ACACA: variants seen among roughly 807,000 people sequenced by gnomAD.
ACACA encodes acetyl-CoA carboxylase alpha, also known as acetyl-CoA carboxylase 1.
A neutral mutation model predicts 296.1 loss-of-function variants in ACACA; 103 were observed. That is an observed-to-expected ratio of 0.35 (90% confidence interval 0.30 to 0.41). The LOEUF is 0.41. Among genes scored for constraint, ACACA ranks in the 10% least tolerant of loss-of-function variants. ACACA has a pLI of 1.00. For missense variants in ACACA, 1,554 were observed against 2,989.7 expected, an observed-to-expected ratio of 0.52 and a Z score of 11.20; for synonymous variants, 953 against 1,038.6, an observed-to-expected ratio of 0.92 and a Z score of 1.58.
At chr17:37,164,685 T>G (rs921300221) in intron 41 of ACACA, among the ~76,000 whole-genome samples, 26 of 152,234 alleles carry the variant, frequency 1.7e-4, no homozygotes, top group African/African-American at 4.1e-4. Flanking sequence ...AAATGCTTTA[T>G]CTGCCTTCAC....
Position 37,151,294 on chromosome 17 carries a change from G to T in ACACA, c.5568+7C>A. The stretch of plus-strand genomic sequence containing the variant: ...CTTCAAAAATTTCACATTCTGGAAA[G>T]ATTTACCAGGCTGATGGTAATGATC... On this transcript the variant is annotated splice_region_variant and intron_variant, in intron 44 of 55. Transcript: ENST00000616317. The T allele has an allele frequency of 6.2e-7, 1 of 1,613,890 alleles. No homozygotes were observed. The highest frequency in any genetic ancestry group is 8.5e-7 in the Non-Finnish European group (1 of 1,179,978).
intron 1 of ACACA, among the ~76,000 whole-genome samples, chr17:37,350,323 C>T (rs991170597): frequency 6.8e-6 from 1 of 147,976 alleles, no homozygotes; most frequent in Non-Finnish European, 1.5e-5. Context: ...ATAGTGAACC[C>T]GTCTCAAAAA....
rs60788220 is a variant in ACACA, at chr17:37,390,175, T to TATATATACACACACAC, written c.38+16086_38+16087insGTGTGTGTGTATATAT. Among the ~76,000 whole-genome samples, 9 of 44,498 alleles carry TATATATACACACACAC rather than the reference T, an allele frequency of 2.0e-4. 1 individual carries two copies. Among genetic ancestry groups the TATATATACACACACAC allele is most frequent in the African/African-American group, 5.8e-4 (5 of 8,572 alleles). 29.2% of individuals were successfully genotyped at this position (44,498 alleles called of 152,430 possible). A position where few individuals can be genotyped will look rare whatever the true frequency, so the allele number is the denominator to read the frequency against. ...ATATATATATATATATATATATATA[T>TATATATACACACACAC]ACACACACACATTATATATAAATAT... On this transcript the variant is annotated intron_variant, in intron 1 of 55. Transcript: ENST00000616317.
Position 37,313,771 on chromosome 17 carries a change from C to T in ACACA, c.338+16402G>A, listed in dbSNP as rs569098618. 6.0e-4 allele frequency among the ~76,000 whole-genome samples: 92 copies of T among 152,272 alleles called. 1 individual carries two copies. The East Asian group carries it at 0.017, about 29-fold the overall frequency. The stretch of plus-strand genomic sequence containing the variant: ...CACAATGGGAATGTAAATCTCCATA[C>T]AACCACTATGGAGAACAGTATGGAG... On this transcript the variant is annotated intron_variant, in intron 3 of 55. Transcript: ENST00000616317.
intron 5 of ACACA, among the ~76,000 whole-genome samples, chr17:37,282,808 C>T (rs892677658): frequency 2.0e-5 from 3 of 151,894 alleles, no homozygotes; most frequent in Non-Finnish European, 2.9e-5. Flanking sequence ...AATATGTAGC[C>T]GAATTTACAG....
intron 35 of ACACA, 93 bp from the exon 36 acceptor site, chr17:37,193,508 C>T: frequency 2.1e-6 from 2 of 971,120 alleles, no homozygotes; most frequent in East Asian, 2.4e-5. Context: ...ATTTAGAAGA[C>T]AGTTTTCTAG....
intron 10 of ACACA, among the ~76,000 whole-genome samples, chr17:37,264,596 C>A (rs1344270474): frequency 6.6e-6 from 1 of 152,108 alleles, no homozygotes; most frequent in East Asian, 1.9e-4. Context: ...GCTCATAGTG[C>A]TTTTTGAATC....
intron 3 of ACACA, among the ~76,000 whole-genome samples, chr17:37,303,371 C>T (rs1030815403): frequency 2.6e-5 from 4 of 152,148 alleles, no homozygotes; most frequent in Admixed American, 1.3e-4. Flanking sequence ...TGTGGACACA[C>T]CATATTTTGT....
chr17:37,339,022 G>A (rs2048268947), intron 2 of ACACA, among the ~76,000 whole-genome samples: 1 of 128,000 alleles, frequency 7.8e-6, no homozygotes, highest in Non-Finnish European at 1.6e-5. Context: ...AAAGGGGGAG[G>A]GAAGGGAAAG....
At chr17:37,232,099 G>C (rs2079887411) in intron 25 of ACACA, among the ~76,000 whole-genome samples, 1 of 152,126 alleles carries the variant, frequency 6.6e-6, no homozygotes, top group South Asian at 2.1e-4. Context: ...AGTTACCACT[G>C]GGCAGGTTAT....
chr17:37,201,750 A>C (rs117484837), intron 33 of ACACA, among the ~76,000 whole-genome samples: 5,053 of 152,298 alleles, frequency 0.033, 118 homozygotes, highest in Middle Eastern at 0.099. Flanking sequence ...ATTTCTTGCT[A>C]TAACTCCAAC....
chr17:37,244,781 A>C, intron 20 of ACACA, 47 bp from the exon 21 acceptor site: 1 of 1,611,452 alleles, frequency 6.2e-7, no homozygotes, highest in Non-Finnish European at 8.5e-7. Context: ...TTTTGATCTA[A>C]GGTACAAACA....
Position 37,259,533 on chromosome 17 carries a change from CA to C in ACACA, c.1330-4del. The stretch of plus-strand genomic sequence containing the variant: ...ATTTTGGCAAGTTTCACCGCACACT[CA>C]AAGAAGAGAGATAAGCAAACATAAG... On this transcript the variant is annotated splice_polypyrimidine_tract_variant and splice_region_variant and intron_variant, in intron 11 of 55. Transcript: ENST00000616317. 2 of 1,614,164 alleles carry C rather than the reference CA, an allele frequency of 1.2e-6. No individual in the cohort carries two copies. The highest frequency in any genetic ancestry group is 1.7e-6 in the Non-Finnish European group (2 of 1,180,014).
rs2080039469 is a variant in ACACA, at chr17:37,234,960, A to C, written c.3246+15T>G. On this transcript the variant is annotated intron_variant, in intron 25 of 55. Transcript: ENST00000616317. ...TCATTGACGGTCTTTACAAGTTCTG[A>C]AAAATGGTACTCACAATAAGCATTG... 2 of 1,613,752 alleles carry C rather than the reference A, an allele frequency of 1.2e-6. No individual in the cohort carries two copies. The highest frequency in any genetic ancestry group is 1.7e-6 in the Non-Finnish European group (2 of 1,179,814).
intron 1 of ACACA, among the ~76,000 whole-genome samples, chr17:37,363,851 G>A (rs1440150039): frequency 2.0e-5 from 3 of 151,972 alleles, no homozygotes; most frequent in African/African-American, 7.3e-5. Flanking sequence ...GGCAGGGCAC[G>A]GTGGCTCATG....
At chr17:37,373,949 A>G (rs962520742) in intron 1 of ACACA, among the ~76,000 whole-genome samples, 3 of 152,190 alleles carry the variant, frequency 2.0e-5, no homozygotes, top group Non-Finnish European at 2.9e-5. Context: ...CAGAGGCAAG[A>G]GGGTGGGGAG....
In ACACA at chr17:37,343,102, C is replaced by T. The variant is rs554657189; in HGVS notation, c.39-3252G>A. Among the ~76,000 whole-genome samples the T allele has an allele frequency of 1.4e-4, 22 of 152,072 alleles. No homozygotes were observed. The East Asian group carries it at 3.7e-3, about 26-fold the overall frequency. Reference sequence around the variant, plus strand: ...AAGCTATTCTCCTGCCTCAGCCTTCCGAGTAGCTGGGATTACAGATGCATG... The same window carrying T: ...AAGCTATTCTCCTGCCTCAGCCTTCTGAGTAGCTGGGATTACAGATGCATG... On this transcript the variant is annotated intron_variant, in intron 1 of 55. Coordinates refer to ENST00000616317, the MANE Select transcript of ACACA (RefSeq NM_198834.3).
chr17:37,173,995 TATATATA>T, intron 41 of ACACA, among the ~76,000 whole-genome samples: 1 of 9,330 alleles, frequency 1.1e-4, no homozygotes, highest in African/African-American at 6.1e-4. Context: ...TATATATATA[TATATATA>T]TATATATATA....
intron 3 of ACACA, among the ~76,000 whole-genome samples, chr17:37,320,232 C>T (rs2047286388): frequency 6.6e-6 from 1 of 152,140 alleles, no homozygotes; most frequent in African/African-American, 2.4e-5. Flanking sequence ...ACCATAAGGC[C>T]TGGGCGCAGT....
Sources: allele counts gnomAD v4.1 joint callset (sites outside exome capture counted in the v4.1 genomes callset), GRCh38; gene constraint gnomAD v4.1.1; transcripts MANE v1.5; gene names NCBI Gene and HGNC (gene_info 2026-07-23, HGNC 2026-07-21).